TRAPPC9: variants seen among roughly 807,000 people sequenced by gnomAD.
TRAPPC9 encodes the protein trafficking protein particle complex subunit 9.
In TRAPPC9, 83 loss-of-function variants were observed where a neutral mutation model predicts 124.0. The ratio of observed to expected loss-of-function variants is 0.67; its 90% CI spans 0.56 to 0.80. TRAPPC9 has a LOEUF of 0.80. Ranked by LOEUF, TRAPPC9 falls within the 30% of genes least tolerant of loss-of-function variation. TRAPPC9 has a pLI of 0.00. For missense variants in TRAPPC9, 1,302 were observed against 1,508.3 expected (o/e 0.86, Z 2.27); for synonymous variants, 638 against 617.5 (o/e 1.03, Z -0.49).
chr8:140,089,401 G>A (rs978246497), intron 17 of TRAPPC9, among the ~76,000 whole-genome samples: 3 of 152,176 alleles, frequency 2.0e-5, no homozygotes, highest in Non-Finnish European at 4.4e-5. Flanking sequence ...CCATGGACCA[G>A]GCAGCCCCCT....
chr8:140,291,934 C>T (rs1045825173), intron 11 of TRAPPC9, among the ~76,000 whole-genome samples: 5 of 152,192 alleles, frequency 3.3e-5, no homozygotes, highest in African/African-American at 1.2e-4. Flanking sequence ...AGAGCAGGCC[C>T]TTCCCTTAGT....
upstream of TRAPPC9, chr8:140,457,908 A>G (rs2071750259): frequency 3.5e-6 from 2 of 563,910 alleles, no homozygotes; most frequent in Non-Finnish European, 5.0e-6. Context: ...GAGGGAGGGG[A>G]CATGGGGAGG....
chr8:140,260,620 G>A (rs921355784), intron 15 of TRAPPC9, among the ~76,000 whole-genome samples: 1 of 152,218 alleles, frequency 6.6e-6, no homozygotes, highest in African/African-American at 2.4e-5. Flanking sequence ...CCACTCTGGA[G>A]GAAGGAGGAA....
At chr8:139,933,339 G>T (rs775887900) in intron 19 of TRAPPC9, 2 of 152,238 alleles carry the variant, frequency 1.3e-5, no homozygotes, top group African/African-American at 2.4e-5. Context: ...TACATTATAC[G>T]CAGTGCTGAT....
At chr8:140,328,088 C>T (rs2066787875) in intron 9 of TRAPPC9, among the ~76,000 whole-genome samples, 1 of 152,078 alleles carries the variant, frequency 6.6e-6, no homozygotes, top group Non-Finnish European at 1.5e-5. Context: ...AACCCCATCT[C>T]TACTAAAAAT....
intron 16 of TRAPPC9, among the ~76,000 whole-genome samples, chr8:140,227,247 G>C (rs1009129445): frequency 6.6e-6 from 1 of 152,134 alleles, no homozygotes; most frequent in Non-Finnish European, 1.5e-5. Flanking sequence ...TCTCCAGCTG[G>C]GGTGGGGTGG....
At chr8:140,420,158 A>G (rs1157873167) in intron 5 of TRAPPC9, among the ~76,000 whole-genome samples, 1 of 152,182 alleles carries the variant, frequency 6.6e-6, no homozygotes, top group Non-Finnish European at 1.5e-5. Context: ...AACCCCCATA[A>G]AAAGTATAAA....
intron 17 of TRAPPC9, among the ~76,000 whole-genome samples, chr8:140,164,720 C>G (rs1013026752): frequency 1.3e-5 from 2 of 152,198 alleles, no homozygotes. Flanking sequence ...GGTGGAACTC[C>G]GCATGGGCCT....
intron 17 of TRAPPC9, among the ~76,000 whole-genome samples, chr8:140,067,310 A>AT (rs1474369360): frequency 2.6e-5 from 4 of 152,022 alleles, no homozygotes; most frequent in Admixed American, 1.3e-4. Context: ...AACCCAGCTA[A>AT]TTTTTTGTAT....
intron 19 of TRAPPC9, among the ~76,000 whole-genome samples, chr8:139,918,987 G>A (rs1299023098): frequency 2.0e-5 from 3 of 152,314 alleles, no homozygotes; most frequent in East Asian, 3.9e-4. Context: ...AAGCAGGGAG[G>A]AGCCGGTGCC....
At chr8:140,214,554 C>T (rs2063144508) in intron 17 of TRAPPC9, among the ~76,000 whole-genome samples, 1 of 152,244 alleles carries the variant, frequency 6.6e-6, no homozygotes, top group Non-Finnish European at 1.5e-5. Flanking sequence ...AACCTTCTTT[C>T]TTTCCCCTGC....
intron 17 of TRAPPC9, among the ~76,000 whole-genome samples, chr8:140,024,740 C>T (rs537420375): frequency 4.5e-4 from 68 of 151,634 alleles, no homozygotes; most frequent in African/African-American, 1.5e-3. Context: ...GGATGACAGG[C>T]GTGAGCCACT....
chr8:140,318,372 G>A (rs1004895724), intron 9 of TRAPPC9, among the ~76,000 whole-genome samples: 1 of 152,146 alleles, frequency 6.6e-6, no homozygotes, highest in Non-Finnish European at 1.5e-5. Flanking sequence ...CATTTTTTGT[G>A]ATAAGAACAT....
At chr8:139,847,516 C>T (rs1827161790) in intron 21 of TRAPPC9, among the ~76,000 whole-genome samples, 3 of 152,182 alleles carry the variant, frequency 2.0e-5, no homozygotes, top group Admixed American at 1.3e-4. Context: ...GCACGAGCAC[C>T]TGCCTCCCTG....
chr8:140,417,885 A>G (rs1424076399), intron 5 of TRAPPC9, among the ~76,000 whole-genome samples: 3 of 152,282 alleles, frequency 2.0e-5, no homozygotes, highest in East Asian at 3.8e-4. Context: ...GCAGCCATAA[A>G]AAAGGATGAC....
intron 21 of TRAPPC9, among the ~76,000 whole-genome samples, chr8:139,866,852 C>T (rs1389644741): frequency 6.6e-6 from 1 of 152,138 alleles, no homozygotes; most frequent in Non-Finnish European, 1.5e-5. Flanking sequence ...ACAGCAACAT[C>T]CCAATATGAA....
At chr8:140,134,924 A>G (rs562211441) in intron 17 of TRAPPC9, among the ~76,000 whole-genome samples, 2 of 152,360 alleles carry the variant, frequency 1.3e-5, no homozygotes, top group East Asian at 3.9e-4. Context: ...CATGTATCTG[A>G]TAAGGGTTTA....
intron 6 of TRAPPC9, among the ~76,000 whole-genome samples, chr8:140,398,098 A>G (rs2132388322): frequency 6.6e-6 from 1 of 152,312 alleles, no homozygotes. Context: ...GCTGTCATCC[A>G]TGTAAGACCT....
At chr8:140,300,969 G>A (rs551244130) in intron 10 of TRAPPC9, among the ~76,000 whole-genome samples, 4 of 152,294 alleles carry the variant, frequency 2.6e-5, no homozygotes, top group South Asian at 2.1e-4. Flanking sequence ...TCTCTAAGAC[G>A]TAGGTTCCTT....
Sources: allele counts gnomAD v4.1 joint callset (sites outside exome capture counted in the v4.1 genomes callset), GRCh38; gene constraint gnomAD v4.1.1; transcripts MANE v1.5; gene names NCBI Gene and HGNC (gene_info 2026-07-23, HGNC 2026-07-21).